Variants in CMAS observed in about 807,000 individuals in gnomAD.
CMAS encodes the protein cytidine monophosphate N-acetylneuraminic acid synthetase, also known as N-acylneuraminate cytidylyltransferase.
In CMAS, 21 loss-of-function variants were observed where a neutral mutation model predicts 53.4. The ratio of observed to expected loss-of-function variants is 0.39; its 90% CI spans 0.28 to 0.57. The LOEUF is 0.57. Ranked by LOEUF, CMAS falls within the 20% of genes least tolerant of loss-of-function variation. CMAS has a pLI of 0.56. For missense variants in CMAS, 384 were observed against 534.9 expected (o/e 0.72, Z 2.78); for synonymous variants, 189 against 195.2 (o/e 0.97, Z 0.27).
chr12:22,049,659 C>T (rs902728554), intron 1 of CMAS, among the ~76,000 whole-genome samples: 1 of 152,316 alleles, frequency 6.6e-6, no homozygotes, highest in Admixed American at 6.5e-5. Context: ...CACTTGTAAT[C>T]CCAGCACTTT....
chr12:22,049,011 C>G (rs1252884326), intron 1 of CMAS, among the ~76,000 whole-genome samples: 7 of 152,160 alleles, frequency 4.6e-5, no homozygotes, highest in Admixed American at 4.6e-4. Context: ...TTCCCTGTTG[C>G]AGTAGTAACA....
intron 7 of CMAS, chr12:22,063,646 A>G (rs1950323573): frequency 6.6e-6 from 1 of 151,366 alleles, no homozygotes; most frequent in Non-Finnish European, 1.5e-5. Flanking sequence ...AATAGTGATA[A>G]TTAGGATGAT....
Position 22,055,547 on chromosome 12 carries a change from T to C in CMAS, c.496T>C (p.Tyr166His). The change falls in exon 3 of 8, where the codon TAT becomes CAT. Residue 166 changes from tyrosine (Y) to histidine (H), a missense_variant. Physicochemically the swap from Tyr to His is moderately conservative, Grantham distance 83 (BLOSUM62 2). Coordinates refer to ENST00000229329, the MANE Select transcript of CMAS (RefSeq NM_018686.6). Reference protein sequence around the residue: ...KVAEMIREEGYDSVFSVVRRH... With the variant: ...KVAEMIREEGHDSVFSVVRRH... ...TGCAGAAATGATTCGAGAAGAAGGATATGATTCTGTTTTCTCTGTTGTGAG... is the reference window on the plus strand; with the variant it reads ...TGCAGAAATGATTCGAGAAGAAGGACATGATTCTGTTTTCTCTGTTGTGAG... 1 of 1,612,618 alleles carries C rather than the reference T, an allele frequency of 6.2e-7. No individual in the cohort carries two copies. Among genetic ancestry groups the C allele is most frequent in the Non-Finnish European group, 8.5e-7 (1 of 1,179,578 alleles).
intron 4 of CMAS, chr12:22,060,616 T>C (rs1950302918): frequency 2.4e-6 from 1 of 415,614 alleles, no homozygotes; most frequent in South Asian, 2.7e-5. Flanking sequence ...ATTGCACCAT[T>C]GCACTCCAGC....
Position 22,055,232 on chromosome 12 carries a change from T to G in CMAS, c.344T>G (p.Val115Gly), listed in dbSNP as rs755254310. Reference protein sequence around the residue: ...GAQVHRRSSEVSKDSSTSLDA... With the variant: ...GAQVHRRSSEGSKDSSTSLDA... ...CAAGTTCATCGAAGAAGTTCTGAAG[T>G]TTCAAAAGACAGCTCTACCTCACTA... The change falls in exon 2 of 8, where the codon GTT (valine) becomes GGT (glycine). Residue 115 changes from valine to glycine, a missense_variant. By Grantham distance (109) the Val-to-Gly change is moderately radical. This residue lies in a region of CMAS where 139 missense variants were observed against 248.0 expected (regional missense o/e 0.56). Coordinates refer to ENST00000229329, the MANE Select transcript of CMAS (RefSeq NM_018686.6). The G allele has an allele frequency of 6.2e-7, 1 of 1,612,444 alleles. No individual in the cohort carries two copies. The highest frequency in any genetic ancestry group is 8.5e-7 in the Non-Finnish European group (1 of 1,178,680).
intron 4 of CMAS, among the ~76,000 whole-genome samples, chr12:22,060,044 A>T (rs1417266797): frequency 6.6e-6 from 1 of 152,096 alleles, no homozygotes; most frequent in Non-Finnish European, 1.5e-5. Context: ...TGTACAACAG[A>T]TGCTACAGTT....
intron 5 of CMAS, among the ~76,000 whole-genome samples, 166 bp downstream of exon 5, chr12:22,061,092 CATT>C (rs1232388670): frequency 6.6e-6 from 1 of 152,126 alleles, no homozygotes; most frequent in Non-Finnish European, 1.5e-5. Context: ...AAGTGAGAAA[CATT>C]ATCTGGCTAG....
chr12:22,047,105 T>C (rs1950212317), intron 1 of CMAS, among the ~76,000 whole-genome samples: 2 of 152,184 alleles, frequency 1.3e-5, no homozygotes, highest in African/African-American at 4.8e-5. Flanking sequence ...TCCAGCTATC[T>C]TCCTGTGAGT....
At chr12:22,061,571 C>T in intron 6 of CMAS, 119 bp downstream of exon 6, 1 of 564,632 alleles carries the variant, frequency 1.8e-6, no homozygotes, top group Non-Finnish European at 2.9e-6. Flanking sequence ...TGAAATTTGG[C>T]CTTCATACGC....
intron 3 of CMAS, 81 bp from the exon 4 acceptor site, chr12:22,058,486 T>C: frequency 1.6e-6 from 2 of 1,282,890 alleles, no homozygotes; most frequent in African/African-American, 3.0e-5. Flanking sequence ...CTGAGTTCAT[T>C]TTTATTAACT....
At chr12:22,049,424 C>T (rs568361606) in intron 1 of CMAS, among the ~76,000 whole-genome samples, 2 of 152,172 alleles carry the variant, frequency 1.3e-5, no homozygotes, top group South Asian at 4.2e-4. Context: ...ATATATTGAC[C>T]AATGATTTTC....
intron 1 of CMAS, among the ~76,000 whole-genome samples, chr12:22,048,249 A>G (rs889469458): frequency 5.3e-5 from 8 of 152,252 alleles, no homozygotes; most frequent in Admixed American, 1.3e-4. Flanking sequence ...TGTGTGTTGT[A>G]TCACGTTATG....
chr12:22,053,408 CATT>C (rs952139406), intron 1 of CMAS, among the ~76,000 whole-genome samples: 1 of 146,740 alleles, frequency 6.8e-6, no homozygotes, highest in African/African-American at 2.7e-5. Flanking sequence ...CACATATACA[CATT>C]ATATATACAC....
At chr12:22,060,736 T>C (rs1950303889) in intron 4 of CMAS, 96 bp from the exon 5 acceptor site, 1 of 724,756 alleles carries the variant, frequency 1.4e-6, no homozygotes, top group Non-Finnish European at 2.5e-6. Flanking sequence ...TTCTCAGTAC[T>C]GTAGAAATGA....
At chr12:22,063,656 T>C (rs1171193840) in intron 7 of CMAS, 1 of 150,964 alleles carries the variant, frequency 6.6e-6, no homozygotes, top group Non-Finnish European at 1.5e-5. Flanking sequence ...ATTAGGATGA[T>C]TGTGACTTTT....
chr12:22,062,349 G>A lies in CMAS; in HGVS notation c.1029G>A (p.Met343Ile). The A allele has an allele frequency of 6.2e-7, 1 of 1,613,286 alleles. No homozygotes were observed. The highest frequency in any genetic ancestry group is 8.5e-7 in the Non-Finnish European group (1 of 1,179,690). ...TLSSLKLDCK[M>I]EVSVSDKLAV... ...CTTCTTTAAAACTGGATTGCAAAAT[G>A]GAAGTCAGTGTATCAGACAAGCTAG... The change falls in exon 7 of 8, where the codon ATG (methionine) becomes ATA (isoleucine). Residue 343 changes from methionine to isoleucine, a missense_variant. Met to Ile is a conservative substitution (Grantham distance 10). Coordinates refer to ENST00000229329, the MANE Select transcript of CMAS (RefSeq NM_018686.6).
chr12:22,058,046 C>T (rs111415217), intron 3 of CMAS, among the ~76,000 whole-genome samples: 2,302 of 151,630 alleles, frequency 0.015, 60 homozygotes, highest in African/African-American at 0.052. Flanking sequence ...GGGCTGCTCT[C>T]GAACTCCTGA....
intron 1 of CMAS, among the ~76,000 whole-genome samples, chr12:22,053,065 G>A (rs1210836086): frequency 6.6e-6 from 1 of 152,016 alleles, no homozygotes; most frequent in East Asian, 1.9e-4. Flanking sequence ...AGGCTGAGGT[G>A]GGAGGGTCAC....
chr12:22,062,369 A>G lies in CMAS; in HGVS notation c.1049A>G (p.Lys350Arg). The part of the protein sequence containing the change: ...DCKMEVSVSD[K>R]LAVVDEWRKE... ...AAAATGGAAGTCAGTGTATCAGACAAGCTAGCAGTTGTAGATGAATGGAGA... is the reference window on the plus strand; with the variant it reads ...AAAATGGAAGTCAGTGTATCAGACAGGCTAGCAGTTGTAGATGAATGGAGA... Residue 350 changes from lysine (K) to arginine (R), a missense_variant, in exon 7 of 8, where the codon AAG (lysine) becomes AGG (arginine). Physicochemically the swap from Lys to Arg is conservative, Grantham distance 26. This residue lies in a region of CMAS where 134 missense variants were observed against 154.6 expected (regional missense o/e 0.87). Coordinates refer to ENST00000229329, the MANE Select transcript of CMAS (RefSeq NM_018686.6). 6.2e-7 allele frequency: 1 copy of G among 1,613,100 alleles called. No homozygotes were observed. The highest frequency in any genetic ancestry group is 1.1e-5 in the South Asian group (1 of 91,046).
Sources: allele counts gnomAD v4.1 joint callset (sites outside exome capture counted in the v4.1 genomes callset), GRCh38; gene constraint gnomAD v4.1.1; regional missense constraint gnomAD v4.1.1; transcripts MANE v1.5; gene names NCBI Gene and HGNC (gene_info 2026-07-23, HGNC 2026-07-21).